Variants in SLC44A5 observed in about 807,000 individuals in gnomAD.
SLC44A5 encodes choline transporter-like protein 5.
SLC44A5 carries 57 observed loss-of-function variants against 101.8 expected under a neutral mutation model. That is an observed-to-expected ratio of 0.56 (90% CI 0.45 to 0.70). The LOEUF (loss-of-function observed/expected upper bound fraction) is 0.70. SLC44A5 is among the 30% of genes least tolerant of loss of function. The pLI, the probability that SLC44A5 is intolerant of heterozygous loss-of-function variation, is 0.00. For synonymous variants in SLC44A5, 281 were observed against 290.9 expected (o/e 0.97, Z 0.35); for missense variants, 737 against 853.1 (o/e 0.86, Z 1.70).
At chr1:75,437,308 T>A (rs903909133) in intron 2 of SLC44A5, among the ~76,000 whole-genome samples, 7 of 152,138 alleles carry the variant, frequency 4.6e-5, no homozygotes, top group Non-Finnish European at 1.5e-5. Context: ...TTACAATGGC[T>A]ATGATATCAC....
chr1:75,495,252 G>C (rs1003762496), intron 2 of SLC44A5, among the ~76,000 whole-genome samples: 96 of 152,042 alleles, frequency 6.3e-4, no homozygotes, highest in African/African-American at 2.2e-3. Context: ...TCAGGAGATT[G>C]AGATCATCCT....
chr1:75,300,285 T>C (rs923049267), intron 5 of SLC44A5, among the ~76,000 whole-genome samples: 11 of 152,142 alleles, frequency 7.2e-5, no homozygotes, highest in African/African-American at 2.7e-4. Flanking sequence ...CTAGTTCTTA[T>C]TAGCAAAGAA....
At chr1:75,487,281 A>G (rs1668201199) in intron 2 of SLC44A5, among the ~76,000 whole-genome samples, 1 of 152,222 alleles carries the variant, frequency 6.6e-6, no homozygotes, top group Non-Finnish European at 1.5e-5. Flanking sequence ...CAGGAAGAGG[A>G]ACTCTTATGG....
chr1:75,696,326 G>A, the SLC44A5 span, among the ~76,000 whole-genome samples: 6 of 152,244 alleles, frequency 3.9e-5, no homozygotes, highest in Non-Finnish European at 7.3e-5. Flanking sequence ...CACTCCTAAG[G>A]AGTAAGAAAG....
chr1:75,616,153 G>T, the SLC44A5 span, among the ~76,000 whole-genome samples: 1 of 151,528 alleles, frequency 6.6e-6, no homozygotes, highest in African/African-American at 2.4e-5. Flanking sequence ...GGCGGCGGCT[G>T]CTGTGCTGCT....
chr1:75,385,749 C>T (rs1236009110), intron 3 of SLC44A5, among the ~76,000 whole-genome samples: 1 of 151,988 alleles, frequency 6.6e-6, no homozygotes, highest in Non-Finnish European at 1.5e-5. Flanking sequence ...GGCAGAGACA[C>T]CACCAAAAAA....
chr1:75,494,164 T>C (rs951465352), intron 2 of SLC44A5, among the ~76,000 whole-genome samples: 3 of 152,192 alleles, frequency 2.0e-5, no homozygotes, highest in Non-Finnish European at 2.9e-5. Context: ...TTTTCTGCCA[T>C]GTGGTGACAC....
At chr1:75,543,607 A>G (rs180871597) in intron 1 of SLC44A5, among the ~76,000 whole-genome samples, 3 of 146,816 alleles carry the variant, frequency 2.0e-5, no homozygotes, top group Non-Finnish European at 4.5e-5. Context: ...ATATATATAT[A>G]TACACACACA....
chr1:75,259,405 C>T (rs1214302236), intron 6 of SLC44A5, among the ~76,000 whole-genome samples: 4 of 151,878 alleles, frequency 2.6e-5, no homozygotes, highest in Admixed American at 6.6e-5. Context: ...ATAGCAGAAT[C>T]GATCAAGTGG....
At chr1:75,477,976 G>GA (rs1380809660) in intron 2 of SLC44A5, among the ~76,000 whole-genome samples, 3 of 152,016 alleles carry the variant, frequency 2.0e-5, no homozygotes, top group Admixed American at 2.0e-4. Flanking sequence ...TGAAATGAAG[G>GA]AAAAAATGTT....
chr1:75,590,526 T>C (rs1342092546), intron 1 of SLC44A5, among the ~76,000 whole-genome samples: 1 of 152,088 alleles, frequency 6.6e-6, no homozygotes, highest in Non-Finnish European at 1.5e-5. Flanking sequence ...GACTTGACTC[T>C]TGGACAGCAT....
chr1:75,471,855 C>G (rs539742844), intron 2 of SLC44A5, among the ~76,000 whole-genome samples: 1 of 146,970 alleles, frequency 6.8e-6, no homozygotes, highest in African/African-American at 2.5e-5. Flanking sequence ...TCCTAAGGAC[C>G]ATGAACAAGG....
intron 2 of SLC44A5, among the ~76,000 whole-genome samples, chr1:75,465,344 A>T (rs1288279251): frequency 6.6e-6 from 1 of 152,130 alleles, no homozygotes; most frequent in Non-Finnish European, 1.5e-5. Flanking sequence ...GAACACTGAA[A>T]ATTTCTTGAA....
chr1:75,695,644 G>T, the SLC44A5 span, among the ~76,000 whole-genome samples: 1 of 149,872 alleles, frequency 6.7e-6, no homozygotes, highest in East Asian at 1.9e-4. Context: ...AAACAAATAA[G>T]GTATGTTGTC....
upstream of SLC44A5, among the ~76,000 whole-genome samples, chr1:75,615,098 C>A (rs1021505643): frequency 2.6e-5 from 4 of 152,130 alleles, no homozygotes; most frequent in African/African-American, 9.7e-5. Flanking sequence ...TCTTCCTTGT[C>A]CTCCCCGCCA....
chr1:75,203,570 G>A lies in SLC44A5; in HGVS notation c.*157C>T. 1 of 735,868 alleles carries A rather than the reference G, an allele frequency of 1.4e-6. No individual in the cohort carries two copies. The highest frequency in any genetic ancestry group is 2.1e-6 in the Non-Finnish European group (1 of 487,140). The allele number at this position is 735,868 out of a possible 1,614,324, so 45.6% of individuals were successfully genotyped here. On this transcript the variant is annotated 3_prime_UTR_variant, in exon 24 of 24. Transcript: ENST00000370859. ...TTGCGACTTCTGATGGCTTCACATAGTACAGTATAAGCTTTGGTATAAAAC... is the reference window on the plus strand; with the variant it reads ...TTGCGACTTCTGATGGCTTCACATAATACAGTATAAGCTTTGGTATAAAAC...
chr1:75,315,729 C>T (rs1455620364), intron 4 of SLC44A5, among the ~76,000 whole-genome samples: 1 of 152,126 alleles, frequency 6.6e-6, no homozygotes, highest in East Asian at 1.9e-4. Flanking sequence ...TGAGTGCCAG[C>T]TTACTTTTAA....
intron 1 of SLC44A5, among the ~76,000 whole-genome samples, chr1:75,600,404 A>C (rs1003330701): frequency 1.3e-5 from 2 of 152,176 alleles, no homozygotes; most frequent in Non-Finnish European, 2.9e-5. Flanking sequence ...CTATGTCTGA[A>C]ATTGTTTGGG....
chr1:75,698,838 G>A, the SLC44A5 span, among the ~76,000 whole-genome samples: 11,609 of 152,152 alleles, frequency 0.076, 1,489 homozygotes, highest in African/African-American at 0.26. Context: ...ACCAAGACTC[G>A]AGAACTACGT....
Sources: allele counts gnomAD v4.1 joint callset (sites outside exome capture counted in the v4.1 genomes callset), GRCh38; gene constraint gnomAD v4.1.1; transcripts MANE v1.5; gene names NCBI Gene and HGNC (gene_info 2026-07-23, HGNC 2026-07-21).